The following TMEM123 variants were observed in gnomAD, a reference collection of about 807,000 sequenced individuals.
TMEM123 encodes the protein transmembrane protein 123, also known as porimin.
A neutral mutation model predicts 19.7 loss-of-function variants in TMEM123; 16 were observed. That is an observed-to-expected ratio of 0.81 (90% CI 0.55 to 1.23). The LOEUF (loss-of-function observed/expected upper bound fraction) is 1.23, where lower values mean the gene tolerates loss of function less well. Ranked by LOEUF, TMEM123 falls within the 50% of genes most tolerant of loss-of-function variation. TMEM123 has a pLI of 0.00. For synonymous variants in TMEM123, 118 were observed against 99.4 expected (o/e 1.19, Z -1.12); for missense variants, 313 against 257.8 (o/e 1.21, Z -1.47).
chr11:102,403,086 A>C (rs564720718), intron 2 of TMEM123, among the ~76,000 whole-genome samples: 2 of 151,450 alleles, frequency 1.3e-5, no homozygotes, highest in Non-Finnish European at 2.9e-5. Flanking sequence ...TCTCGGCTCA[A>C]TGCAACCTCC....
chr11:102,441,260 C>T (rs184501569), intron 2 of TMEM123, among the ~76,000 whole-genome samples: 2 of 152,200 alleles, frequency 1.3e-5, no homozygotes, highest in East Asian at 1.9e-4. Context: ...AGCACCACAT[C>T]GCACTTATTG....
At position 102,396,546 on chromosome 11, in the gene TMEM123, A is replaced by C. The variant is rs1461324993; in HGVS notation, c.*2321T>G. ...GAAATTTTAAAATTGGCTTCTGCCT[A>C]GTACTTATACATCTGGATTGTTTGT... On this transcript the variant is annotated 3_prime_UTR_variant, in exon 5 of 5. Coordinates refer to ENST00000398136, the MANE Select transcript of TMEM123 (RefSeq NM_052932.3). 6.6e-6 allele frequency: 1 copy of C among 152,220 alleles called. No homozygotes were observed. Among genetic ancestry groups the C allele is most frequent in the African/African-American group, 2.4e-5 (1 of 41,458 alleles). 9.4% of individuals were successfully genotyped at this position (152,220 alleles called of 1,614,324 possible).
At chr11:102,440,720 G>A (rs187514697) in intron 2 of TMEM123, among the ~76,000 whole-genome samples, 2 of 152,140 alleles carry the variant, frequency 1.3e-5, no homozygotes, top group Non-Finnish European at 2.9e-5. Context: ...AATGTAAATG[G>A]GGTAAATGCT....
chr11:102,426,931 G>A (rs1157412517), intron 2 of TMEM123, among the ~76,000 whole-genome samples: 3 of 127,736 alleles, frequency 2.3e-5, no homozygotes, highest in Non-Finnish European at 3.1e-5. Context: ...TTGTGTCTGG[G>A]TATATATATC....
intron 2 of TMEM123, among the ~76,000 whole-genome samples, chr11:102,405,992 T>TA (rs1332771478): frequency 6.6e-6 from 1 of 152,210 alleles, no homozygotes; most frequent in Non-Finnish European, 1.5e-5. Context: ...AATAAGTAAA[T>TA]AGTCACTTGT....
intron 2 of TMEM123, among the ~76,000 whole-genome samples, chr11:102,447,115 T>G (rs543871558): frequency 6.6e-6 from 1 of 152,204 alleles, no homozygotes; most frequent in South Asian, 2.1e-4. Context: ...TTTTTAATAG[T>G]TGTATTATCT....
In TMEM123 at chr11:102,397,748, C is replaced by T. The variant is rs1951870067; in HGVS notation, c.*1119G>A. On this transcript the variant is annotated 3_prime_UTR_variant, in exon 5 of 5. Coordinates refer to ENST00000398136, the MANE Select transcript of TMEM123 (RefSeq NM_052932.3). Reference sequence around the variant, plus strand: ...TCATTTCCCCAAATCTGAGTAATATCGACAGTGCATGAAAGAAAATATAGC... The same window carrying T: ...TCATTTCCCCAAATCTGAGTAATATTGACAGTGCATGAAAGAAAATATAGC... 3 of 152,098 alleles carry T rather than the reference C, an allele frequency of 2.0e-5. No individual in the cohort carries two copies. Among genetic ancestry groups the T allele is most frequent in the South Asian group, 4.1e-4 (2 of 4,828 alleles). 9.4% of individuals were successfully genotyped at this position (152,098 alleles called of 1,614,324 possible). A position where few individuals can be genotyped will look rare whatever the true frequency, so the allele number is the denominator to read the frequency against.
intron 1 of TMEM123, chr11:102,452,239 C>G (rs1404889333): frequency 3.1e-6 from 1 of 325,668 alleles, no homozygotes. Context: ...AACCAACTTG[C>G]GGTAACTCAA....
intron 2 of TMEM123, among the ~76,000 whole-genome samples, chr11:102,402,577 GGATA>G (rs1416808799): frequency 1.3e-5 from 2 of 152,236 alleles, no homozygotes; most frequent in African/African-American, 2.4e-5. Context: ...TTGAATGGAT[GGATA>G]AACTAATGAA....
intron 2 of TMEM123, among the ~76,000 whole-genome samples, chr11:102,428,983 AC>A (rs1952152269): frequency 1.3e-5 from 2 of 152,100 alleles, no homozygotes; most frequent in African/African-American, 4.8e-5. Flanking sequence ...CCCTTCGCTC[AC>A]CCCCTGGGGT....
intron 2 of TMEM123, among the ~76,000 whole-genome samples, chr11:102,412,472 G>A (rs1170984788): frequency 6.6e-6 from 1 of 152,004 alleles, no homozygotes; most frequent in South Asian, 2.1e-4. Flanking sequence ...AAAAGACAGA[G>A]ATTATGAGAC....
At chr11:102,443,961 G>C (rs1403088509) in intron 2 of TMEM123, among the ~76,000 whole-genome samples, 1 of 152,156 alleles carries the variant, frequency 6.6e-6, no homozygotes, top group African/African-American at 2.4e-5. Context: ...ATCATCACTG[G>C]TCATCAGAGA....
intron 2 of TMEM123, among the ~76,000 whole-genome samples, chr11:102,407,235 T>C (rs566608864): frequency 6.6e-6 from 1 of 152,230 alleles, no homozygotes; most frequent in African/African-American, 2.4e-5. Context: ...AAGCCCGAAG[T>C]AGGCCTGGGC....
At chr11:102,447,532 T>A (rs893774942) in intron 2 of TMEM123, among the ~76,000 whole-genome samples, 2 of 152,234 alleles carry the variant, frequency 1.3e-5, no homozygotes, top group Non-Finnish European at 2.9e-5. Flanking sequence ...CTATTGCTAA[T>A]ATTACTGTCT....
chr11:102,442,048 G>C (rs1857832361), intron 2 of TMEM123, among the ~76,000 whole-genome samples: 1 of 152,202 alleles, frequency 6.6e-6, no homozygotes, highest in Non-Finnish European at 1.5e-5. Flanking sequence ...CTGAAATTGA[G>C]GCAATAATTA....
chr11:102,446,369 G>A (rs1857883409), intron 2 of TMEM123, among the ~76,000 whole-genome samples: 1 of 152,136 alleles, frequency 6.6e-6, no homozygotes, highest in African/African-American at 2.4e-5. Flanking sequence ...ATAATGATTA[G>A]AGGACATAAA....
chr11:102,404,603 G>A (rs1201216040), intron 2 of TMEM123, among the ~76,000 whole-genome samples: 2 of 149,558 alleles, frequency 1.3e-5, no homozygotes, highest in Non-Finnish European at 3.0e-5. Context: ...ATTTATTATT[G>A]TTATTACTAT....
chr11:102,409,493 A>G (rs1189288462), intron 2 of TMEM123, among the ~76,000 whole-genome samples: 2 of 152,140 alleles, frequency 1.3e-5, no homozygotes, highest in African/African-American at 2.4e-5. Context: ...CATTCTAAAC[A>G]TTCTTCTGAA....
intron 2 of TMEM123, among the ~76,000 whole-genome samples, chr11:102,439,040 A>C (rs1857796066): frequency 1.3e-5 from 2 of 152,122 alleles, no homozygotes; most frequent in Non-Finnish European, 2.9e-5. Flanking sequence ...AGGCTGGGGG[A>C]GGGGCGTCCG....
Sources: gnomAD v4.1 joint callset for allele counts (sites outside exome capture counted in the v4.1 genomes callset) on GRCh38, gnomAD v4.1.1 for gene constraint, MANE v1.5 for transcripts, NCBI Gene and HGNC (gene_info 2026-07-23, HGNC 2026-07-21) for gene names.